Variants in DNM2 observed in about 807,000 individuals in gnomAD.
The protein encoded by DNM2 is dynamin-2.
DNM2 carries 15 observed loss-of-function variants against 99.0 expected under a neutral mutation model. That is an observed-to-expected ratio of 0.15 (90% confidence interval 0.10 to 0.23). The LOEUF (loss-of-function observed/expected upper bound fraction) is 0.23. Among genes scored for constraint, DNM2 ranks in the 10% least tolerant of loss-of-function variants. The pLI, the probability that DNM2 is intolerant of heterozygous loss-of-function variation, is 1.00. For missense variants in DNM2, 742 were observed against 1,189.4 expected, an observed-to-expected ratio of 0.62 and a Z score of 5.53; for synonymous variants, 525 against 481.2, an observed-to-expected ratio of 1.09 and a Z score of -1.19.
At chr19:10,751,085 T>A (rs1445263421) in intron 1 of DNM2, among the ~76,000 whole-genome samples, 5 of 151,456 alleles carry the variant, frequency 3.3e-5, no homozygotes, top group African/African-American at 4.9e-5. Flanking sequence ...TAAGTGACAT[T>A]TAGCATGTGT....
chr19:10,784,632 C>G (rs551805223), intron 6 of DNM2, among the ~76,000 whole-genome samples: 1 of 152,036 alleles, frequency 6.6e-6, no homozygotes, highest in African/African-American at 2.4e-5. Context: ...GGAAGGCCAG[C>G]GTAGCTCCCT....
chr19:10,754,468 G>A (rs981968589), intron 1 of DNM2, among the ~76,000 whole-genome samples: 1 of 152,060 alleles, frequency 6.6e-6, no homozygotes, highest in African/African-American at 2.4e-5. Context: ...GGCCAGGATG[G>A]TCTTGATCTG....
intron 2 of DNM2, among the ~76,000 whole-genome samples, chr19:10,767,475 C>G (rs1292001750): frequency 6.6e-6 from 1 of 152,236 alleles, no homozygotes; most frequent in Non-Finnish European, 1.5e-5. Context: ...CCACGCCCAG[C>G]TAATTTTTAA....
intron 7 of DNM2, among the ~76,000 whole-genome samples, chr19:10,792,491 G>A (rs1158537312): frequency 1.3e-5 from 2 of 152,252 alleles, no homozygotes; most frequent in Non-Finnish European, 2.9e-5. Context: ...GATGCCAATA[G>A]GCAATGCTGA....
At chr19:10,788,577 G>A (rs929996921) in intron 7 of DNM2, among the ~76,000 whole-genome samples, 4 of 152,160 alleles carry the variant, frequency 2.6e-5, no homozygotes, top group South Asian at 2.1e-4. Flanking sequence ...ATGGGAGAGC[G>A]GGTGGGAGCC....
chr19:10,802,678 C>A, intron 12 of DNM2: 13 of 428,422 alleles, frequency 3.0e-5, no homozygotes, highest in South Asian at 2.5e-4. Context: ...TTCTCAGAGC[C>A]TTTAGCGACC....
At chr19:10,735,105 G>A (rs890141887) in intron 1 of DNM2, among the ~76,000 whole-genome samples, 3 of 151,972 alleles carry the variant, frequency 2.0e-5, no homozygotes, top group Admixed American at 2.0e-4. Context: ...GTGCAGCGGC[G>A]CGATCTCAGC....
chr19:10,825,134 C>A lies in DNM2; in HGVS notation c.1971C>A (p.Arg657=), dbSNP rs559056873. 2 of 1,614,262 alleles carry A rather than the reference C, an allele frequency of 1.2e-6. No homozygotes were observed. The highest frequency in any genetic ancestry group is 1.1e-5 in the South Asian group (1 of 91,084). The change falls in exon 18 of 21, where the codon CGC becomes CGA. Residue 657 remains arginine (R), a synonymous_variant. Coordinates refer to ENST00000389253, the MANE Select transcript of DNM2 (RefSeq NM_001005361.3). ...TGGAGCGGCAGGTGGAGACCATTCGCAACCTGGTGGACTCATACGTGGCCA... is the reference window on the plus strand; with the variant it reads ...TGGAGCGGCAGGTGGAGACCATTCGAAACCTGGTGGACTCATACGTGGCCA... The part of the protein sequence containing the change: ...PQLERQVETI[R]NLVDSYVAII...
intron 5 of DNM2, among the ~76,000 whole-genome samples, chr19:10,779,731 G>T (rs1383739377): frequency 2.0e-5 from 3 of 151,766 alleles, no homozygotes; most frequent in African/African-American, 7.3e-5. Flanking sequence ...TGTTGCCCAG[G>T]CTGGAGTGCA....
chr19:10,745,132 G>A (rs2069915859), intron 1 of DNM2, among the ~76,000 whole-genome samples: 1 of 152,116 alleles, frequency 6.6e-6, no homozygotes, highest in Admixed American at 6.6e-5. Flanking sequence ...ACAGGAAATG[G>A]GGATGTGCGG....
intron 18 of DNM2, among the ~76,000 whole-genome samples, chr19:10,825,634 A>T (rs1207268435): frequency 6.6e-6 from 1 of 151,870 alleles, no homozygotes; most frequent in East Asian, 1.9e-4. Context: ...GCACCACTGC[A>T]CTCCAGCCTG....
At chr19:10,743,809 C>CAAAAAAAAAAAA (rs35999203) in intron 1 of DNM2, among the ~76,000 whole-genome samples, 3 of 32,630 alleles carry the variant, frequency 9.2e-5, no homozygotes, top group African/African-American at 1.5e-4. Context: ...GACTCTGTCT[C>CAAAAAAAAAAAA]AAAAAAAAAA....
In DNM2 at chr19:10,818,279, A is replaced by G. The variant is rs1373901712; in HGVS notation, c.1672-1701A>G. Among the ~76,000 whole-genome samples, 2 of 126,372 alleles carry G rather than the reference A, an allele frequency of 1.6e-5. No individual in the cohort carries two copies. The highest frequency in any genetic ancestry group is 5.6e-5 in the African/African-American group (2 of 35,634). The allele number at this position is 126,372 out of a possible 152,430, so 82.9% of individuals were successfully genotyped here. ...CCTATGCTCTGCTCCCTCCATGGCCACCGGGCCCCTCTTCCTATGCTCTGC... is the reference window on the plus strand; with the variant it reads ...CCTATGCTCTGCTCCCTCCATGGCCGCCGGGCCCCTCTTCCTATGCTCTGC... On this transcript the variant is annotated intron_variant, in intron 15 of 20. Coordinates refer to ENST00000389253, the MANE Select transcript of DNM2 (RefSeq NM_001005361.3). This position sits in a 1 kb window ranked among gnomAD's most constrained non-coding sequence, Gnocchi z 4.3.
In DNM2 at chr19:10,812,244, AGCT is replaced by A; in HGVS notation, c.1558-17_1558-15del. 6.4e-7 allele frequency: 1 copy of A among 1,572,402 alleles called. No individual in the cohort carries two copies. Among genetic ancestry groups the A allele is most frequent in the East Asian group, 2.3e-5 (1 of 42,812 alleles). On this transcript the variant is annotated splice_polypyrimidine_tract_variant and intron_variant, in intron 14 of 20. Coordinates refer to ENST00000389253, the MANE Select transcript of DNM2 (RefSeq NM_001005361.3). The surrounding 1 kb of genome is among the most constrained non-coding windows in gnomAD (Gnocchi z 4.0). Reference sequence around the variant, plus strand: ...GGGCACGGAGCGAGGTTCCCTGCTAAGCTGCGCGCTTTCCCCCAGGTGATCCGC... The same window carrying A: ...GGGCACGGAGCGAGGTTCCCTGCTAAGCGCGCTTTCCCCCAGGTGATCCGC...
intron 1 of DNM2, among the ~76,000 whole-genome samples, chr19:10,720,208 A>ATTTTTTTTT (rs1568259868): frequency 7.0e-6 from 1 of 142,230 alleles, no homozygotes; most frequent in Non-Finnish European, 1.5e-5. Context: ...TATTTTATTT[A>ATTTTTTTTT]TTTATTTATT....
intron 1 of DNM2, among the ~76,000 whole-genome samples, chr19:10,728,243 G>A (rs182597708): frequency 6.6e-6 from 1 of 152,328 alleles, no homozygotes; most frequent in African/African-American, 2.4e-5. Flanking sequence ...GATCTGACCA[G>A]TGTCTTCTCT....
Position 10,764,763 on chromosome 19 carries a change from C to G in DNM2, c.235+4952C>G, listed in dbSNP as rs2070741750. ...CTCCTCCTGGTCCCCAGCCACTGCC[C>G]CCATCCATCTCCCTCCTGATTCTCA... On this transcript the variant is annotated intron_variant, in intron 2 of 20. Transcript: ENST00000389253. This position sits in a 1 kb window ranked among gnomAD's most constrained non-coding sequence, Gnocchi z 4.1. Among the ~76,000 whole-genome samples, 2 of 152,128 alleles carry G rather than the reference C, an allele frequency of 1.3e-5. No homozygotes were observed. Among genetic ancestry groups the G allele is most frequent in the Admixed American group, 1.3e-4 (2 of 15,260 alleles).
Position 10,812,344 on chromosome 19 carries a change from T to A in DNM2, c.1638T>A (p.Thr546=). Residue 546 remains threonine (T), a synonymous_variant, in exon 15 of 21, where the codon ACT becomes ACA. Coordinates refer to ENST00000389253, the MANE Select transcript of DNM2 (RefSeq NM_001005361.3). This position sits in a 1 kb window ranked among gnomAD's most constrained non-coding sequence, Gnocchi z 4.0. ...CCAAGGAGTACTGGTTTGTGCTGACTGCCGAGTCACTGTCCTGGTACAAGG... is the reference window on the plus strand; with the variant it reads ...CCAAGGAGTACTGGTTTGTGCTGACAGCCGAGTCACTGTCCTGGTACAAGG... ...GGSKEYWFVL[T]AESLSWYKDE... 6.2e-7 allele frequency: 1 copy of A among 1,610,518 alleles called. No homozygotes were observed. Among genetic ancestry groups the A allele is most frequent in the Non-Finnish European group, 8.5e-7 (1 of 1,178,078 alleles).
In DNM2 at chr19:10,818,722, G is replaced by A. The variant is rs367960219; in HGVS notation, c.1672-1258G>A. On this transcript the variant is annotated intron_variant, in intron 15 of 20. Transcript: ENST00000389253. The surrounding 1 kb of genome is among the most constrained non-coding windows in gnomAD (Gnocchi z 4.3). ...AGGTTAGGCTTTGTGCTGGGGCAGC[G>A]CAGTGAGGGGACATGAGAGGAGTTT... 4.6e-5 allele frequency among the ~76,000 whole-genome samples: 7 copies of A among 152,352 alleles called. No individual in the cohort carries two copies. In the South Asian group the frequency reaches 8.3e-4, roughly 18 times the overall value.
Sources: gnomAD v4.1 joint callset for allele counts (sites outside exome capture counted in the v4.1 genomes callset) on GRCh38, gnomAD v4.1.1 for gene constraint, Gnocchi (gnomAD v3.1) non-coding constraint, MANE v1.5 for transcripts, NCBI Gene and HGNC (gene_info 2026-07-23, HGNC 2026-07-21) for gene names.